NRXN2: variants seen among roughly 807,000 people sequenced by gnomAD.
NRXN2 encodes neurexin 2.
Under a neutral mutation model 128.8 loss-of-function variants are expected in NRXN2, and 29 were observed. The ratio of observed to expected loss-of-function variants is 0.23; its 90% confidence interval spans 0.17 to 0.31. NRXN2 has a LOEUF of 0.31. Among genes scored for constraint, NRXN2 ranks in the 10% least tolerant of loss-of-function variants. NRXN2 has a pLI of 1.00. For missense variants in NRXN2, 1,881 were observed against 2,452.6 expected (o/e 0.77, Z 4.92); for synonymous variants, 1,098 against 1,075.2 (o/e 1.02, Z -0.41).
intron 2 of NRXN2, among the ~76,000 whole-genome samples, chr11:64,707,395 A>AG (rs1477744854): frequency 2.6e-5 from 4 of 152,106 alleles, no homozygotes; most frequent in Non-Finnish European, 5.9e-5. Flanking sequence ...AAAAAAAAAA[A>AG]AAAAGAAAAA....
intron 1 of NRXN2, among the ~76,000 whole-genome samples, chr11:64,719,708 C>G (rs1021663707): frequency 2.6e-5 from 4 of 152,080 alleles, no homozygotes; most frequent in Admixed American, 2.6e-4. Context: ...GGGATGAGCA[C>G]CAAGCTTACC....
At chr11:64,707,856 G>A (rs1413581060) in intron 2 of NRXN2, among the ~76,000 whole-genome samples, 1 of 152,146 alleles carries the variant, frequency 6.6e-6, no homozygotes, top group East Asian at 1.9e-4. Flanking sequence ...CACTTTGGGA[G>A]GCCAAGGCAG....
At position 64,714,318 on chromosome 11, in the gene NRXN2, A is replaced by T. The variant is rs2057216729; in HGVS notation, c.-244-375T>A. Among the ~76,000 whole-genome samples, 1 of 152,094 alleles carries T rather than the reference A, an allele frequency of 6.6e-6. No homozygotes were observed. Among genetic ancestry groups the T allele is most frequent in the Admixed American group, 6.5e-5 (1 of 15,276 alleles). ...GAACTCTCCTCCGCCTGGTGACCCC[A>T]GCCCCTTCTCTGAACCGCCCAGCCT... On this transcript the variant is annotated intron_variant, in intron 1 of 22. Transcript: ENST00000265459. This position sits in a 1 kb window ranked among gnomAD's most constrained non-coding sequence, Gnocchi z 4.5.
In NRXN2 at chr11:64,651,024, A is replaced by G. The variant is rs993977232; in HGVS notation, c.2918+231T>C. Among the ~76,000 whole-genome samples the G allele has an allele frequency of 6.6e-6, 1 of 152,144 alleles. No individual in the cohort carries two copies. The highest frequency in any genetic ancestry group is 2.4e-5 in the African/African-American group (1 of 41,422). On this transcript the variant is annotated intron_variant, in intron 14 of 22. Coordinates refer to ENST00000265459, the MANE Select transcript of NRXN2 (RefSeq NM_015080.4). The surrounding 1 kb of genome is among the most constrained non-coding windows in gnomAD (Gnocchi z 5.9). ...GAAGGTGACAGTGGACAGAGAACAGATATAACAGGGAACTCTGGCAAGGAA... is the reference window on the plus strand; with the variant it reads ...GAAGGTGACAGTGGACAGAGAACAGGTATAACAGGGAACTCTGGCAAGGAA...
At chr11:64,646,298 A>G (rs1032635044) in intron 17 of NRXN2, 10 of 152,330 alleles carry the variant, frequency 6.6e-5, no homozygotes, top group African/African-American at 2.4e-4. Context: ...CTGGTACCCA[A>G]AGAAGTTGCT....
intron 17 of NRXN2, among the ~76,000 whole-genome samples, chr11:64,639,312 C>G (rs1009388798): frequency 6.6e-6 from 1 of 152,140 alleles, no homozygotes; most frequent in African/African-American, 2.4e-5. Context: ...CAATTCCTAA[C>G]CCCCTGCTTG....
chr11:64,678,549 C>T (rs1468127424), intron 6 of NRXN2, among the ~76,000 whole-genome samples: 1 of 152,144 alleles, frequency 6.6e-6, no homozygotes. Context: ...TCTAAAATCC[C>T]TGACTTTTCC....
Position 64,677,048 on chromosome 11 carries a change from G to A in NRXN2, c.1153-11C>T, listed in dbSNP as rs2051425326. On this transcript the variant is annotated splice_polypyrimidine_tract_variant and intron_variant, in intron 6 of 22. Transcript: ENST00000265459. ...TCCAATCCCTGCGTGCTTCACCGGA[G>A]ATATGGGGGGATGGGGAGGAGGGGG... 1 of 1,413,482 alleles carries A rather than the reference G, an allele frequency of 7.1e-7. No homozygotes were observed. The highest frequency in any genetic ancestry group is 1.2e-5 in the South Asian group (1 of 85,856). The allele number at this position is 1,413,482 out of a possible 1,614,324, so 87.6% of individuals were successfully genotyped here.
intron 12 of NRXN2, 143 bp downstream of exon 12, chr11:64,653,553 G>T (rs1241076846): frequency 3.7e-6 from 3 of 821,834 alleles, no homozygotes; most frequent in Non-Finnish European, 4.1e-6. Context: ...CCTCCTGCCT[G>T]CACCCCTCCC....
rs1336437811 is a variant in NRXN2, at chr11:64,714,033, T to A, written c.-244-90A>T. On this transcript the variant is annotated intron_variant, in intron 1 of 22. Coordinates refer to ENST00000265459, the MANE Select transcript of NRXN2 (RefSeq NM_015080.4). This position sits in a 1 kb window ranked among gnomAD's most constrained non-coding sequence, Gnocchi z 4.5. ...GTCGGTGCCGGGCTCCCCACGCATA[T>A]CAGCAGGCACCAGACTGTTTCCCTG... is the stretch of plus-strand genomic sequence containing the variant. 1 of 152,804 alleles carries A rather than the reference T, an allele frequency of 6.5e-6. No individual in the cohort carries two copies. The highest frequency in any genetic ancestry group is 1.9e-4 in the East Asian group (1 of 5,202). 9.5% of individuals were successfully genotyped at this position (152,804 alleles called of 1,614,324 possible). A position where few individuals can be genotyped will look rare whatever the true frequency, so the allele number is the denominator to read the frequency against.
chr11:64,618,670 G>A (rs1025244268), intron 22 of NRXN2, among the ~76,000 whole-genome samples: 1 of 152,204 alleles, frequency 6.6e-6, no homozygotes, highest in Non-Finnish European at 1.5e-5. Flanking sequence ...GCATTGGAGT[G>A]TACATCCTTG....
intron 15 of NRXN2, 119 bp from the exon 16 acceptor site, chr11:64,649,026 C>T: frequency 9.6e-7 from 1 of 1,039,836 alleles, no homozygotes; most frequent in Admixed American, 1.9e-5. Context: ...TCCCAGATTC[C>T]AGGTCCCTAA....
At chr11:64,720,907 G>A (rs367551344) in intron 1 of NRXN2, among the ~76,000 whole-genome samples, 8 of 152,142 alleles carry the variant, frequency 5.3e-5, no homozygotes, top group Non-Finnish European at 8.8e-5. Context: ...GTGTGCCTGC[G>A]ATGGCTGTGA....
At chr11:64,720,410 G>A (rs1297970632) in intron 1 of NRXN2, among the ~76,000 whole-genome samples, 1 of 152,236 alleles carries the variant, frequency 6.6e-6, no homozygotes, top group African/African-American at 2.4e-5. Flanking sequence ...GCGAATGAAA[G>A]GACAGTGTCT....
At chr11:64,708,039 G>C (rs886667402) in intron 2 of NRXN2, among the ~76,000 whole-genome samples, 1 of 151,896 alleles carries the variant, frequency 6.6e-6, no homozygotes, top group Admixed American at 6.6e-5. Context: ...CAGAGGTTGT[G>C]GTGAGCCAAG....
rs1382168392 is a variant in NRXN2 at position 64,660,323 on chromosome 11, G to A, written c.2389+9C>T. 6.2e-7 allele frequency: 1 copy of A among 1,612,708 alleles called. No homozygotes were observed. Among genetic ancestry groups the A allele is most frequent in the East Asian group, 2.2e-5 (1 of 44,860 alleles). ...TGAGGGGTCAGGAAGCACAGGGCAG[G>A]GTGGTTACCGAGGTTGACAGTGAGC... is the stretch of plus-strand genomic sequence containing the variant. On this transcript the variant is annotated intron_variant, in intron 11 of 22. Coordinates refer to ENST00000265459, the MANE Select transcript of NRXN2 (RefSeq NM_015080.4). The surrounding 1 kb of genome is among the most constrained non-coding windows in gnomAD (Gnocchi z 5.2).
chr11:64,638,184 C>T (rs2045073589), intron 17 of NRXN2, among the ~76,000 whole-genome samples: 1 of 152,228 alleles, frequency 6.6e-6, no homozygotes, highest in Non-Finnish European at 1.5e-5. Flanking sequence ...CAAGCCCAGA[C>T]CTCCCCTGGG....
Position 64,630,651 on chromosome 11 carries a change from C to G in NRXN2, c.3586-78G>C. The G allele has an allele frequency of 3.3e-6, 5 of 1,533,270 alleles. No individual in the cohort carries two copies. Among genetic ancestry groups the G allele is most frequent in the Non-Finnish European group, 4.5e-6 (5 of 1,114,916 alleles). 95.0% of individuals were successfully genotyped at this position (1,533,270 alleles called of 1,614,324 possible). ...TTCTAGTGGCTACTCCTGTGACCAC[C>G]ACTAGCCCAGCTCCGCAGCACTTAA... On this transcript the variant is annotated intron_variant, in intron 18 of 22. Transcript: ENST00000265459. The surrounding 1 kb of genome is among the most constrained non-coding windows in gnomAD (Gnocchi z 4.6).
In NRXN2 at chr11:64,708,453, T is replaced by C. The variant is rs547224292; in HGVS notation, c.730+4517A>G. Among the ~76,000 whole-genome samples, 3 of 152,314 alleles carry C rather than the reference T, an allele frequency of 2.0e-5. No homozygotes were observed. In the East Asian group the frequency reaches 5.8e-4, roughly 29 times the overall value. On this transcript the variant is annotated intron_variant, in intron 2 of 22. Transcript: ENST00000265459. ...CAGGTGACATGAGGAAGCACTGTCA[T>C]GCAAACCACTGCAAGATCCCAGTCT...
Sources: allele counts gnomAD v4.1 joint callset (sites outside exome capture counted in the v4.1 genomes callset), GRCh38; gene constraint gnomAD v4.1.1; non-coding constraint Gnocchi (gnomAD v3.1); transcripts MANE v1.5; gene names NCBI Gene and HGNC (gene_info 2026-07-23, HGNC 2026-07-21).